PSAP: variants seen among roughly 807,000 people sequenced by gnomAD.
PSAP encodes prosaposin.
In PSAP, 25 loss-of-function variants were observed where a neutral mutation model predicts 66.0. The ratio of observed to expected loss-of-function variants is 0.38; its 90% CI spans 0.28 to 0.53. The LOEUF (loss-of-function observed/expected upper bound fraction) is 0.53, where lower values mean the gene tolerates loss of function less well. Ranked by LOEUF, PSAP falls within the 20% of genes least tolerant of loss-of-function variation. The pLI is 0.83. For missense variants in PSAP, 649 were observed against 668.8 expected (o/e 0.97, Z 0.33); for synonymous variants, 273 against 258.9 (o/e 1.05, Z -0.52).
intron 1 of PSAP, among the ~76,000 whole-genome samples, chr10:71,843,230 T>C (rs958104150): frequency 1.3e-5 from 2 of 151,972 alleles, no homozygotes; most frequent in African/African-American, 4.8e-5. Context: ...AGAGGTGGAA[T>C]TCAAAATGGA....
chr10:71,827,922 G>A (rs890091642), intron 6 of PSAP, 92 bp downstream of exon 6: 1 of 1,543,574 alleles, frequency 6.5e-7, no homozygotes, highest in Non-Finnish European at 8.8e-7. Flanking sequence ...TGGGAAAAAA[G>A]AGAAGGATGT....
chr10:71,819,315 T>G, intron 11 of PSAP, 150 bp downstream of exon 11: 1 of 1,274,122 alleles, frequency 7.8e-7, no homozygotes, highest in South Asian at 1.2e-5. Flanking sequence ...TGGCTCATCT[T>G]AAGCCAACAA....
In PSAP at chr10:71,819,302, C is replaced by G. The variant is rs931374652; in HGVS notation, c.1350+163G>C. ...CCTCTCTACTTCAGGTTGCTTCCCC[C>G]AGTGGCTCATCTTAAGCCAACAAAT... On this transcript the variant is annotated intron_variant, in intron 11 of 13. Transcript: ENST00000394936. 3 of 1,156,048 alleles carry G rather than the reference C, an allele frequency of 2.6e-6. No homozygotes were observed. In the African/African-American group the frequency reaches 4.5e-5, roughly 18 times the overall value. 71.6% of individuals were successfully genotyped at this position (1,156,048 alleles called of 1,614,324 possible).
intron 7 of PSAP, among the ~76,000 whole-genome samples, chr10:71,823,561 C>T (rs1842345182): frequency 6.6e-6 from 1 of 152,218 alleles, no homozygotes; most frequent in Non-Finnish European, 1.5e-5. Context: ...GCTGAGGCAC[C>T]TCCTGGGCCA....
In PSAP at chr10:71,825,950, A is replaced by T; in HGVS notation, c.721-57T>A. On this transcript the variant is annotated intron_variant, in intron 6 of 13. Transcript: ENST00000394936. ...TCACTGCAACAATGCACCAAAACCC[A>T]ACCAACAAAAACCCCCCAGCATTTC... 7.1e-6 allele frequency: 10 copies of T among 1,403,902 alleles called. No homozygotes were observed. In the South Asian group the frequency reaches 1.2e-4, roughly 16 times the overall value. The allele number at this position is 1,403,902 out of a possible 1,614,324, so 87.0% of individuals were successfully genotyped here. A position where few individuals can be genotyped will look rare whatever the true frequency, so the allele number is the denominator to read the frequency against.
rs549270063 is a variant in PSAP, at chr10:71,845,786, G to T, written c.40+5396C>A. Among the ~76,000 whole-genome samples, 9 of 152,290 alleles carry T rather than the reference G, an allele frequency of 5.9e-5. No individual in the cohort carries two copies. The East Asian group carries it at 1.7e-3, about 29-fold the overall frequency. ...ATTCGGGTTACCAGGAACCAGCTCT[G>T]ATCTGCTGGGCTGCTCTGATGTCAA... On this transcript the variant is annotated intron_variant, in intron 1 of 13. Coordinates refer to ENST00000394936, the MANE Select transcript of PSAP (RefSeq NM_002778.4).
At chr10:71,844,783 G>A (rs1842789907) in intron 1 of PSAP, 1 of 152,148 alleles carries the variant, frequency 6.6e-6, no homozygotes, top group Non-Finnish European at 1.5e-5. Flanking sequence ...AATTCTAAAA[G>A]ACATAACAGT....
In PSAP at chr10:71,816,669, G is replaced by A. The variant is rs541405476; in HGVS notation, c.*772C>T. Reference sequence around the variant, plus strand: ...TAGGCAACACGAGCAGGCACAGCGCGGCCACCACTGTCCACACGCTCACAC... The same window carrying A: ...TAGGCAACACGAGCAGGCACAGCGCAGCCACCACTGTCCACACGCTCACAC... On this transcript the variant is annotated 3_prime_UTR_variant, in exon 14 of 14. Coordinates refer to ENST00000394936, the MANE Select transcript of PSAP (RefSeq NM_002778.4). 2.3e-4 allele frequency: 79 copies of A among 346,902 alleles called. No homozygotes were observed. Among genetic ancestry groups the A allele is most frequent in the African/African-American group, 1.3e-3 (63 of 46,772 alleles). 21.5% of individuals were successfully genotyped at this position (346,902 alleles called of 1,614,324 possible).
chr10:71,827,456 G>A (rs541571757), intron 6 of PSAP, among the ~76,000 whole-genome samples: 2 of 151,480 alleles, frequency 1.3e-5, no homozygotes, highest in East Asian at 3.9e-4. Context: ...GCCGGGCGCA[G>A]AGACTCACGC....
chr10:71,850,608 T>A (rs1179260606), intron 1 of PSAP, among the ~76,000 whole-genome samples: 1 of 152,252 alleles, frequency 6.6e-6, no homozygotes, highest in Non-Finnish European at 1.5e-5. Flanking sequence ...TCACTCATAT[T>A]TGCCTCAGAA....
In PSAP at chr10:71,828,759, G is replaced by C. The variant is rs1029378820; in HGVS notation, c.576+118C>G. The C allele has an allele frequency of 3.8e-6, 4 of 1,062,336 alleles. No homozygotes were observed. In the East Asian group the frequency reaches 1.0e-4, roughly 27 times the overall value. 65.8% of individuals were successfully genotyped at this position (1,062,336 alleles called of 1,614,324 possible). ...TTAAAGGCTGGCTCATGTGACTGCA[G>C]AGTCACGCACAGGGATAAGCCCCAG... On this transcript the variant is annotated intron_variant, in intron 5 of 13. Coordinates refer to ENST00000394936, the MANE Select transcript of PSAP (RefSeq NM_002778.4).
chr10:71,849,218 TG>T (rs1249522820), intron 1 of PSAP, among the ~76,000 whole-genome samples: 1 of 152,212 alleles, frequency 6.6e-6, no homozygotes, highest in East Asian at 1.9e-4. Context: ...AAAATCAAAA[TG>T]ATTTTTTTAT....
intron 1 of PSAP, among the ~76,000 whole-genome samples, chr10:71,843,794 T>C (rs1205010159): frequency 6.6e-6 from 1 of 152,132 alleles, no homozygotes; most frequent in Non-Finnish European, 1.5e-5. Context: ...ATGAGATTAG[T>C]GGAAAAACTG....
chr10:71,833,593 C>A (rs1159192207), intron 2 of PSAP, among the ~76,000 whole-genome samples: 4 of 152,132 alleles, frequency 2.6e-5, no homozygotes, highest in Non-Finnish European at 4.4e-5. Flanking sequence ...TTTTTAGAAC[C>A]CAAAGTCCAC....
chr10:71,825,549 C>A (rs1842385424), intron 7 of PSAP, among the ~76,000 whole-genome samples: 1 of 152,198 alleles, frequency 6.6e-6, no homozygotes, highest in Non-Finnish European at 1.5e-5. Flanking sequence ...AGGGTTAAAG[C>A]CAGACCTAGA....
At chr10:71,850,717 T>C (rs557960603) in intron 1 of PSAP, among the ~76,000 whole-genome samples, 6 of 152,384 alleles carry the variant, frequency 3.9e-5, no homozygotes, top group Admixed American at 3.3e-4. Flanking sequence ...GATACACATG[T>C]GCTTCCTGCA....
intron 1 of PSAP, among the ~76,000 whole-genome samples, chr10:71,840,802 G>A (rs1303596598): frequency 2.6e-5 from 4 of 152,168 alleles, no homozygotes; most frequent in Admixed American, 6.5e-5. Flanking sequence ...TTATCTACAC[G>A]GAGAAGGCAA....
rs1842249179 is a variant in PSAP at position 71,819,487 on chromosome 10, A to G, written c.1328T>C (p.Leu443Pro). Residue 443 changes from leucine (L) to proline (P), a missense_variant, in exon 11 of 14, where the codon CTG (leucine) becomes CCG (proline). Transcript: ENST00000394936. ...LAALEKGCSFLPDPYQKQCDQ... is the reference protein window; with the variant it reads ...LAALEKGCSFPPDPYQKQCDQ... ...TACCTGCTTCTGGTAAGGGTCTGGCAGGAAGCTGCAGCCTTTCTCAAGAGC... is the reference window on the plus strand; with the variant it reads ...TACCTGCTTCTGGTAAGGGTCTGGCGGGAAGCTGCAGCCTTTCTCAAGAGC... 2 of 1,614,110 alleles carry G rather than the reference A, an allele frequency of 1.2e-6. No homozygotes were observed. The highest frequency in any genetic ancestry group is 1.7e-6 in the Non-Finnish European group (2 of 1,180,052).
chr10:71,828,560 A>G (rs1242696151), intron 5 of PSAP, among the ~76,000 whole-genome samples: 2 of 152,180 alleles, frequency 1.3e-5, no homozygotes, highest in Non-Finnish European at 2.9e-5. Flanking sequence ...TGGGAGGATC[A>G]CTTAAGCCTC....
Sources: gnomAD v4.1 joint callset for allele counts (sites outside exome capture counted in the v4.1 genomes callset) on GRCh38, gnomAD v4.1.1 for gene constraint, MANE v1.5 for transcripts, NCBI Gene and HGNC (gene_info 2026-07-23, HGNC 2026-07-21) for gene names.